Variants in PDE10A observed in about 807,000 individuals in gnomAD.
PDE10A encodes cAMP and cAMP-inhibited cGMP 3',5'-cyclic phosphodiesterase 10A.
PDE10A carries 39 observed loss-of-function variants against 97.7 expected under a neutral mutation model. The observed-to-expected ratio is 0.40, with a 90% confidence interval of 0.31 to 0.52. The LOEUF is 0.52. PDE10A is among the 20% of genes least tolerant of loss of function. The probability of loss-of-function intolerance (pLI) is 0.56; values close to 1 mark genes in which losing one functional copy is unlikely to be tolerated. For synonymous variants in PDE10A, 371 were observed against 376.8 expected (o/e 0.98, Z 0.18); for missense variants, 731 against 1,047.8 (o/e 0.70, Z 4.17).
intron 15 of PDE10A, 90 bp downstream of exon 15, chr6:165,395,087 TACAA>T (rs1786052672): frequency 4.2e-6 from 3 of 709,732 alleles, no homozygotes; most frequent in Middle Eastern, 2.4e-4. Context: ...TAAAAATAAT[TACAA>T]ACAAAGATCG....
intron 3 of PDE10A, among the ~76,000 whole-genome samples, chr6:165,472,855 T>C (rs1255023923): frequency 6.6e-6 from 1 of 152,144 alleles, no homozygotes; most frequent in Non-Finnish European, 1.5e-5. Context: ...AAAAGTTATA[T>C]AATTGTTATT....
At chr6:165,921,403 C>A (rs1289495519) in intron 1 of PDE10A, among the ~76,000 whole-genome samples, 1 of 152,156 alleles carries the variant, frequency 6.6e-6, no homozygotes, top group Non-Finnish European at 1.5e-5. Flanking sequence ...ATCATCCCTG[C>A]CCTTGTGGAA....
chr6:165,585,537 G>A lies in PDE10A; in HGVS notation c.866-41969C>T, dbSNP rs555907486. 4.1e-4 allele frequency among the ~76,000 whole-genome samples: 62 copies of A among 152,254 alleles called. No individual in the cohort carries two copies. In the South Asian group the frequency reaches 9.5e-3, roughly 23 times the overall value. ...AGAGAGAAGTGCACAGAGGAAAAGG[G>A]GATGTGAAAATAGAGGCAGAGAATA... On this transcript the variant is annotated intron_variant, in intron 1 of 21. Transcript: ENST00000539869.
chr6:165,424,964 T>A (rs1417755659), intron 10 of PDE10A, among the ~76,000 whole-genome samples: 5 of 152,116 alleles, frequency 3.3e-5, no homozygotes, highest in Non-Finnish European at 4.4e-5. Flanking sequence ...TACATAGCAA[T>A]GAAATGTGAG....
chr6:165,393,838 G>A (rs1395784085), intron 15 of PDE10A, among the ~76,000 whole-genome samples: 1 of 152,104 alleles, frequency 6.6e-6, no homozygotes, highest in Admixed American at 6.6e-5. Context: ...TTTAAATATT[G>A]TGTGTTTACA....
intron 18 of PDE10A, among the ~76,000 whole-genome samples, chr6:165,367,448 C>G (rs544171772): frequency 6.6e-6 from 1 of 152,132 alleles, no homozygotes; most frequent in South Asian, 2.1e-4. Context: ...ACAGAAGTGT[C>G]AGAGTCTCAG....
chr6:165,592,064 C>T (rs543699238), intron 1 of PDE10A, among the ~76,000 whole-genome samples: 20 of 152,218 alleles, frequency 1.3e-4, no homozygotes, highest in East Asian at 3.9e-4. Context: ...TATACTACAA[C>T]GCTATAGTAA....
Position 165,523,035 on chromosome 6 carries a change from TA to T in PDE10A, c.994+20404del, listed in dbSNP as rs58561410. On this transcript the variant is annotated intron_variant, in intron 2 of 21. Coordinates refer to ENST00000539869, the MANE Select transcript of PDE10A (RefSeq NM_001385079.1). ...ATCCCATTTACAATAGCCACAAAAA[TA>T]AAAAAAAATACCTAGGAATGCATCT... Among the ~76,000 whole-genome samples, 6 of 148,246 alleles carry T rather than the reference TA, an allele frequency of 4.0e-5. No individual in the cohort carries two copies. The South Asian group carries it at 6.4e-4, about 16-fold the overall frequency.
intron 1 of PDE10A, among the ~76,000 whole-genome samples, chr6:165,698,652 C>G (rs1356704551): frequency 6.6e-6 from 1 of 152,152 alleles, no homozygotes; most frequent in Non-Finnish European, 1.5e-5. Context: ...CAGTTCAAGA[C>G]CAGCCTGGCC....
At chr6:165,905,130 T>G (rs1004923558) in intron 1 of PDE10A, among the ~76,000 whole-genome samples, 8 of 152,206 alleles carry the variant, frequency 5.3e-5, no homozygotes, top group African/African-American at 1.7e-4. Flanking sequence ...AGAAGTGTTA[T>G]GCAGAGCCAA....
chr6:165,935,865 A>C (rs940747131), intron 1 of PDE10A, among the ~76,000 whole-genome samples: 1 of 152,216 alleles, frequency 6.6e-6, no homozygotes, highest in African/African-American at 2.4e-5. Context: ...ACACAGCAAG[A>C]AGGTTCTCAC....
intron 1 of PDE10A, among the ~76,000 whole-genome samples, chr6:165,961,131 C>T (rs1449008522): frequency 6.6e-6 from 1 of 152,068 alleles, no homozygotes; most frequent in African/African-American, 2.4e-5. Flanking sequence ...GGATGGGGTG[C>T]AGGGGACCTT....
chr6:165,784,191 G>C (rs76489944), intron 1 of PDE10A, among the ~76,000 whole-genome samples: 5,691 of 150,172 alleles, frequency 0.038, 127 homozygotes, highest in African/African-American at 0.062. Flanking sequence ...CCACACACCA[G>C]CCCAGGCAAC....
At chr6:165,421,123 G>A (rs955066817) in intron 10 of PDE10A, among the ~76,000 whole-genome samples, 44 of 152,212 alleles carry the variant, frequency 2.9e-4, no homozygotes, top group African/African-American at 9.1e-4. Context: ...AAAAATCTGC[G>A]AGATTATCGT....
chr6:165,481,316 C>T (rs1014922635), intron 3 of PDE10A, among the ~76,000 whole-genome samples: 10 of 152,124 alleles, frequency 6.6e-5, no homozygotes, highest in Non-Finnish European at 2.9e-5. Context: ...ACATTAATAG[C>T]GAAGGCACCC....
intron 17 of PDE10A, among the ~76,000 whole-genome samples, chr6:165,384,012 G>T (rs116346119): frequency 1.4e-3 from 211 of 152,150 alleles, no homozygotes; most frequent in African/African-American, 4.8e-3. Context: ...TGTAGTCCTG[G>T]AACAGACAGG....
chr6:165,913,661 A>T (rs1782528181), intron 1 of PDE10A, among the ~76,000 whole-genome samples: 1 of 152,190 alleles, frequency 6.6e-6, no homozygotes, highest in South Asian at 2.1e-4. Context: ...GAACGTGGAA[A>T]CACACATGGG....
At chr6:165,588,731 T>C (rs1400029032) in intron 1 of PDE10A, among the ~76,000 whole-genome samples, 1 of 152,192 alleles carries the variant, frequency 6.6e-6, no homozygotes, top group Non-Finnish European at 1.5e-5. Flanking sequence ...ACATCTCAAA[T>C]ACTAGTACAG....
chr6:165,981,142 A>C (rs1036033114), intron 1 of PDE10A, among the ~76,000 whole-genome samples: 4 of 152,220 alleles, frequency 2.6e-5, no homozygotes, highest in African/African-American at 9.6e-5. Flanking sequence ...TAGGCCATTT[A>C]CAACATAAAG....
Sources: allele counts gnomAD v4.1 joint callset (sites outside exome capture counted in the v4.1 genomes callset), GRCh38; gene constraint gnomAD v4.1.1; transcripts MANE v1.5; gene names NCBI Gene and HGNC (gene_info 2026-07-23, HGNC 2026-07-21).